SERPINB7: variants seen among roughly 807,000 people sequenced by gnomAD.
The protein encoded by SERPINB7 is serpin B7.
Under a neutral mutation model 37.4 loss-of-function variants are expected in SERPINB7, and 31 were observed. The observed-to-expected ratio is 0.83, with a 90% CI of 0.62 to 1.12. The LOEUF (loss-of-function observed/expected upper bound fraction) is 1.12, where lower values mean the gene tolerates loss of function less well. Ranked by LOEUF, SERPINB7 falls within the 50% of genes most tolerant of loss-of-function variation. The pLI is 0.00. For missense variants in SERPINB7, 521 were observed against 455.3 expected, an observed-to-expected ratio of 1.14 and a Z score of -1.31; for synonymous variants, 163 against 166.1, an observed-to-expected ratio of 0.98 and a Z score of 0.14.
chr18:63,774,046 T>C (rs1431563445), upstream of SERPINB7, among the ~76,000 whole-genome samples: 1 of 152,116 alleles, frequency 6.6e-6, no homozygotes, highest in Non-Finnish European at 1.5e-5. Context: ...CTATGAACAC[T>C]GCAATTAGAA....
intron 1 of SERPINB7, among the ~76,000 whole-genome samples, chr18:63,780,024 G>A (rs1203367613): frequency 6.6e-6 from 1 of 151,738 alleles, no homozygotes; most frequent in African/African-American, 2.4e-5. Flanking sequence ...TTCTAAACAG[G>A]GTCATTTAAA....
At chr18:63,754,175 C>G (rs544272130) in intron 1 of SERPINB7, among the ~76,000 whole-genome samples, 3 of 152,232 alleles carry the variant, frequency 2.0e-5, no homozygotes, top group East Asian at 3.9e-4. Context: ...GATTTCTTGA[C>G]AGAGTTTAAA....
rs2049593889 is a variant in SERPINB7, at chr18:63,805,087, C to T, written c.*452C>T. 2 of 156,764 alleles carry T rather than the reference C, an allele frequency of 1.3e-5. No individual in the cohort carries two copies. Among genetic ancestry groups the T allele is most frequent in the African/African-American group, 4.8e-5 (2 of 41,486 alleles). The allele number at this position is 156,764 out of a possible 1,614,324, so 9.7% of individuals were successfully genotyped here. A position where few individuals can be genotyped will look rare whatever the true frequency, so the allele number is the denominator to read the frequency against. On this transcript the variant is annotated 3_prime_UTR_variant, in exon 8 of 8. Coordinates refer to ENST00000398019, the MANE Select transcript of SERPINB7 (RefSeq NM_003784.4). ...TGAAGGATAAATTTTCTTTGTTGACCTATGAAGATTTTAGAGTTTACCTTC... is the reference window on the plus strand; with the variant it reads ...TGAAGGATAAATTTTCTTTGTTGACTTATGAAGATTTTAGAGTTTACCTTC...
intron 1 of SERPINB7, among the ~76,000 whole-genome samples, chr18:63,754,785 T>C (rs2049110899): frequency 6.6e-6 from 1 of 152,154 alleles, no homozygotes; most frequent in Non-Finnish European, 1.5e-5. Context: ...TGTAGTCTGA[T>C]TTTCAAATTT....
intron 1 of SERPINB7, among the ~76,000 whole-genome samples, chr18:63,764,512 C>T (rs1249728201): frequency 6.6e-6 from 1 of 152,040 alleles, no homozygotes. Flanking sequence ...TCCCAAGCAC[C>T]AAGGCTATTC....
chr18:63,782,557 G>T lies in SERPINB7; in HGVS notation c.168+17G>T. On this transcript the variant is annotated intron_variant, in intron 2 of 7. Coordinates refer to ENST00000398019, the MANE Select transcript of SERPINB7 (RefSeq NM_003784.4). ...ATTGATAAGGTCAGTCTCAGCTTTTGCAGTTAATCACTGGGACAAATTGTT... is the reference window on the plus strand; with the variant it reads ...ATTGATAAGGTCAGTCTCAGCTTTTTCAGTTAATCACTGGGACAAATTGTT... 1 of 1,592,020 alleles carries T rather than the reference G, an allele frequency of 6.3e-7. No individual in the cohort carries two copies. Among genetic ancestry groups the T allele is most frequent in the Non-Finnish European group, 8.6e-7 (1 of 1,167,704 alleles).
upstream of SERPINB7, among the ~76,000 whole-genome samples, chr18:63,772,937 AT>A (rs1277305337): frequency 6.6e-6 from 1 of 152,130 alleles, no homozygotes; most frequent in Non-Finnish European, 1.5e-5. Context: ...CATGTTATTT[AT>A]TGCCAAGTGA....
chr18:63,774,730 G>A (rs1042014464), upstream of SERPINB7, among the ~76,000 whole-genome samples: 7 of 152,076 alleles, frequency 4.6e-5, no homozygotes, highest in African/African-American at 1.7e-4. Context: ...TGACAAGAAT[G>A]AATGAACACA....
chr18:63,800,117 A>T (rs1427309930), intron 6 of SERPINB7, among the ~76,000 whole-genome samples: 1 of 151,256 alleles, frequency 6.6e-6, no homozygotes, highest in Admixed American at 6.6e-5. Flanking sequence ...GTAGTGGTGA[A>T]CTCACTGCTC....
At chr18:63,774,778 G>T (rs924214904), upstream of SERPINB7, among the ~76,000 whole-genome samples, 2 of 152,072 alleles carry the variant, frequency 1.3e-5, no homozygotes, top group African/African-American at 4.8e-5. Context: ...CTCAGTTCAG[G>T]TAAGCATTTA....
intron 1 of SERPINB7, among the ~76,000 whole-genome samples, chr18:63,754,442 T>C (rs2049108875): frequency 6.6e-6 from 1 of 152,224 alleles, no homozygotes; most frequent in Non-Finnish European, 1.5e-5. Context: ...CCATAGGTAA[T>C]GCTGAGGAGA....
chr18:63,793,400 G>A, intron 4 of SERPINB7, 123 bp downstream of exon 4: 1 of 498,762 alleles, frequency 2.0e-6, no homozygotes, highest in Non-Finnish European at 3.6e-6. Flanking sequence ...TACTTATTAT[G>A]TTCTCAGATG....
At chr18:63,804,204 T>C in intron 7 of SERPINB7, 33 bp from the exon 8 acceptor site, 5 of 1,450,610 alleles carry the variant, frequency 3.4e-6, no homozygotes, top group Non-Finnish European at 4.6e-6. Context: ...CTTGACCATA[T>C]GATTCTAAAT....
At chr18:63,784,868 G>C (rs781528151) in intron 2 of SERPINB7, among the ~76,000 whole-genome samples, 18 of 152,210 alleles carry the variant, frequency 1.2e-4, no homozygotes, top group Non-Finnish European at 2.1e-4. Context: ...CTTACCTACT[G>C]TGTGCTTTCA....
upstream of SERPINB7, among the ~76,000 whole-genome samples, chr18:63,772,070 G>C: frequency 6.6e-6 from 1 of 151,800 alleles, no homozygotes; most frequent in East Asian, 1.9e-4. Flanking sequence ...CCTCTCTTAG[G>C]TAATAAGCGT....
Position 63,793,224 on chromosome 18 carries a change from G to T in SERPINB7, c.283G>T (p.Asp95Tyr). ...SDINASHKDY[D>Y]LSIVNGLFAE... ...TATAAATGCATCCCACAAGGATTAT[G>T]ATCTCAGCATTGTGAATGGGCTTTT... The change falls in exon 4 of 8, where the codon GAT (aspartate) becomes TAT (tyrosine). Residue 95 changes from aspartate to tyrosine, a missense_variant. Coordinates refer to ENST00000398019, the MANE Select transcript of SERPINB7 (RefSeq NM_003784.4). The T allele has an allele frequency of 6.2e-7, 1 of 1,610,026 alleles. No homozygotes were observed. Among genetic ancestry groups the T allele is most frequent in the South Asian group, 1.1e-5 (1 of 90,376 alleles).
intron 1 of SERPINB7, among the ~76,000 whole-genome samples, chr18:63,765,164 C>T (rs1329630243): frequency 6.6e-6 from 1 of 152,234 alleles, no homozygotes; most frequent in East Asian, 1.9e-4. Flanking sequence ...AAACTTAAGT[C>T]CCCAAATCTC....
At chr18:63,756,347 G>T (rs2049121969) in intron 1 of SERPINB7, among the ~76,000 whole-genome samples, 1 of 152,230 alleles carries the variant, frequency 6.6e-6, no homozygotes, top group East Asian at 1.9e-4. Flanking sequence ...TGTGTAAAAT[G>T]TTTGGGCAAA....
chr18:63,804,254 C>A lies in SERPINB7; in HGVS notation c.762C>A (p.Thr254=), dbSNP rs750697293. The A allele has an allele frequency of 6.4e-7, 1 of 1,557,802 alleles. No homozygotes were observed. The highest frequency in any genetic ancestry group is 2.2e-5 in the East Asian group (1 of 44,514). ...TTTTACAGATTGAAAACAAACTGAC[C>A]TTTCAGAATCTAATGGAATGGACCA... ...NDLSEIENKL[T]FQNLMEWTNP... is the part of the protein sequence containing the mutation. The change falls in exon 8 of 8, where the codon ACC becomes ACA. Residue 254 remains threonine, a synonymous_variant. Coordinates refer to ENST00000398019, the MANE Select transcript of SERPINB7 (RefSeq NM_003784.4).
Sources: allele counts gnomAD v4.1 joint callset (sites outside exome capture counted in the v4.1 genomes callset), GRCh38; gene constraint gnomAD v4.1.1; transcripts MANE v1.5; gene names NCBI Gene and HGNC (gene_info 2026-07-23, HGNC 2026-07-21).